Variants in ASB2 observed in about 807,000 individuals in gnomAD.
ASB2 encodes the protein ankyrin repeat and SOCS box containing 2.
ASB2 carries 58 observed loss-of-function variants against 62.4 expected under a neutral mutation model. That is an observed-to-expected ratio of 0.93 (90% CI 0.75 to 1.16). The LOEUF (loss-of-function observed/expected upper bound fraction) is 1.16. Ranked by LOEUF, ASB2 falls within the 50% of genes most tolerant of loss-of-function variation. ASB2 has a pLI of 0.00. For synonymous variants in ASB2, 386 were observed against 385.3 expected (o/e 1.00, Z -0.02); for missense variants, 928 against 887.9 (o/e 1.05, Z -0.57).
intron 1 of ASB2, among the ~76,000 whole-genome samples, chr14:93,965,924 C>T (rs544809228): frequency 3.9e-5 from 6 of 152,368 alleles, no homozygotes; most frequent in African/African-American, 1.4e-4. Context: ...AGCCTAGGCC[C>T]CAGAGAGAAC....
At position 93,953,406 on chromosome 14, in the gene ASB2, C is replaced by T; in HGVS notation, c.580G>A (p.Ala194Thr). The T allele has an allele frequency of 6.2e-7, 1 of 1,605,932 alleles. No individual in the cohort carries two copies. Among genetic ancestry groups the T allele is most frequent in the Non-Finnish European group, 8.5e-7 (1 of 1,173,430 alleles). The change falls in exon 5 of 10, where the codon GCA becomes ACA. Residue 194 changes from alanine (A) to threonine (T), a missense_variant. Physicochemically the swap from Ala to Thr is moderately conservative, Grantham distance 58. Transcript: ENST00000555019. ...HLDCLLSLLQ[A>T]GAEPDISNKS... ...TTGGAGATGTCCGGCTCTGCCCCTG[C>T]TTGGAGCAGTGACAGGAGACAGTCC... is the stretch of plus-strand genomic sequence containing the variant.
Position 93,937,749 on chromosome 14 carries a change from T to C in ASB2, c.1720A>G (p.Lys574Glu), listed in dbSNP as rs1224404987. 6.2e-7 allele frequency: 1 copy of C among 1,613,166 alleles called. No individual in the cohort carries two copies. The highest frequency in any genetic ancestry group is 1.7e-5 in the Admixed American group (1 of 60,016). The part of the protein sequence containing the change: ...VGNVQLCSRL[K>E]EHIDSFEDWA... ...TCCTCAAAGCTGTCGATGTGTTCCT[T>C]CAGCCGCGAGCAGAGCTGCACGTTG... The change falls in exon 9 of 10, where the codon AAG becomes GAG. Residue 574 changes from lysine to glutamate, a missense_variant. By Grantham distance (56) the Lys-to-Glu change is moderately conservative. Transcript: ENST00000555019.
At chr14:93,939,020 AC>A in intron 8 of ASB2, 87 bp downstream of exon 8, 1 of 1,227,910 alleles carries the variant, frequency 8.1e-7, no homozygotes, top group Non-Finnish European at 1.1e-6. Context: ...AGCGCGAACC[AC>A]CCGGCCCCGC....
rs73337612 is a variant in ASB2, at chr14:93,941,533, C to T, written c.1053-1861G>A. On this transcript the variant is annotated intron_variant, in intron 7 of 9. Transcript: ENST00000555019. ...AAAGGAAATTCACACACCCGGGGGG[C>T]TAATTGCCTCCTAATTTCTATTTGT... is the stretch of plus-strand genomic sequence containing the variant. 8.5e-3 allele frequency: 3,452 copies of T among 404,542 alleles called. 121 individuals are homozygous for T. The highest frequency in any genetic ancestry group is 0.066 in the African/African-American group (3,165 of 48,304). The allele number at this position is 404,542 out of a possible 1,614,324, so 25.1% of individuals were successfully genotyped here.
intron 3 of ASB2, among the ~76,000 whole-genome samples, chr14:93,955,823 C>G (rs1240013846): frequency 6.6e-6 from 1 of 152,082 alleles, no homozygotes; most frequent in Non-Finnish European, 1.5e-5. Context: ...CTGGACGGGA[C>G]CCTAGAGGTC....
intron 1 of ASB2, among the ~76,000 whole-genome samples, chr14:93,970,747 G>T (rs1377442508): frequency 2.0e-5 from 3 of 152,146 alleles, no homozygotes; most frequent in Non-Finnish European, 2.9e-5. Context: ...GTGCCCCACT[G>T]CCTATACTCA....
chr14:93,945,277 CTG>C (rs1888680623), intron 7 of ASB2, among the ~76,000 whole-genome samples: 2 of 152,192 alleles, frequency 1.3e-5, no homozygotes, highest in Admixed American at 6.5e-5. Context: ...TCAAGGTAAA[CTG>C]TGTTTGCCCA....
Position 93,939,830 on chromosome 14 carries a change from A to G in ASB2, c.1053-158T>C, listed in dbSNP as rs1888449999. On this transcript the variant is annotated intron_variant, in intron 7 of 9. Coordinates refer to ENST00000555019, the MANE Select transcript of ASB2 (RefSeq NM_001202429.2). ...CACCGGCAGGGGGCGCCGCGGGTCA[A>G]CCATTCTCACCCCACTGGGCAGGGT... The G allele has an allele frequency of 7.5e-6, 4 of 533,162 alleles. 1 individual carries two copies. In the East Asian group the frequency reaches 1.4e-4, roughly 19 times the overall value. 33.0% of individuals were successfully genotyped at this position (533,162 alleles called of 1,614,324 possible). A position where few individuals can be genotyped will look rare whatever the true frequency, so the allele number is the denominator to read the frequency against.
At position 93,960,882 on chromosome 14, in the gene ASB2, G is replaced by A. The variant is rs75597485; in HGVS notation, c.206+3452C>T. On this transcript the variant is annotated intron_variant, in intron 2 of 9. Coordinates refer to ENST00000555019, the MANE Select transcript of ASB2 (RefSeq NM_001202429.2). ...GCTAGAGCTTTTTATTGGTTTCAAA[G>A]GTATTTATTTGTTTAAAAACATTTA... Among the ~76,000 whole-genome samples the A allele has an allele frequency of 5.4e-4, 82 of 151,902 alleles. No individual in the cohort carries two copies. The East Asian group carries it at 0.015, about 28-fold the overall frequency.
chr14:93,961,363 C>T (rs1889403606), intron 2 of ASB2, among the ~76,000 whole-genome samples: 1 of 152,218 alleles, frequency 6.6e-6, no homozygotes, highest in Non-Finnish European at 1.5e-5. Context: ...CACTCTGCTG[C>T]CTTTCCATCT....
intron 1 of ASB2, among the ~76,000 whole-genome samples, chr14:93,973,493 G>T (rs932064749): frequency 6.6e-6 from 1 of 152,156 alleles, no homozygotes; most frequent in Admixed American, 6.5e-5. Context: ...CTGTTGCAAT[G>T]ATGAGCATCC....
At chr14:93,962,727 T>C (rs1321725483) in intron 2 of ASB2, among the ~76,000 whole-genome samples, 1 of 152,186 alleles carries the variant, frequency 6.6e-6, no homozygotes, top group Non-Finnish European at 1.5e-5. Context: ...GGGGCTCCTA[T>C]GCTGGGGAGA....
At chr14:93,955,247 G>A (rs1239649886) in intron 3 of ASB2, 12 of 443,740 alleles carry the variant, frequency 2.7e-5, no homozygotes, top group Middle Eastern at 3.5e-4. Context: ...GGACACCCAC[G>A]CCATGTTGGG....
chr14:93,947,368 A>G lies in ASB2; in HGVS notation c.1033T>C (p.Ser345Pro), dbSNP rs771810059. ...KDGLLPLHIA[S>P]KKGNYRIVQM... ...GCTGACCTGTAGTTGCCCTTCTTGGAGGCGATGTGCAGCGGGAGCAAGCCG... is the reference window on the plus strand; with the variant it reads ...GCTGACCTGTAGTTGCCCTTCTTGGGGGCGATGTGCAGCGGGAGCAAGCCG... Residue 345 changes from serine (S) to proline (P), a missense_variant, in exon 7 of 10, where the codon TCC becomes CCC. Physicochemically the swap from Ser to Pro is moderately conservative, Grantham distance 74. Coordinates refer to ENST00000555019, the MANE Select transcript of ASB2 (RefSeq NM_001202429.2). 17 of 1,613,938 alleles carry G rather than the reference A, an allele frequency of 1.1e-5. No homozygotes were observed. The East Asian group carries it at 3.6e-4, about 34-fold the overall frequency.
intron 1 of ASB2, among the ~76,000 whole-genome samples, chr14:93,968,097 C>T (rs539626391): frequency 2.0e-5 from 3 of 152,318 alleles, no homozygotes; most frequent in African/African-American, 7.2e-5. Flanking sequence ...GACTCATAGA[C>T]AGCACATGGC....
At chr14:93,962,325 G>A (rs574125408) in intron 2 of ASB2, among the ~76,000 whole-genome samples, 4 of 151,938 alleles carry the variant, frequency 2.6e-5, no homozygotes, top group East Asian at 3.9e-4. Flanking sequence ...CGTTTTAGCC[G>A]GGATGGTCTC....
chr14:93,951,480 C>T (rs79038484), intron 5 of ASB2, among the ~76,000 whole-genome samples: 1 of 152,224 alleles, frequency 6.6e-6, no homozygotes, highest in South Asian at 2.1e-4. Flanking sequence ...GTGCCAGGCT[C>T]TCTGTTCTAA....
intron 9 of ASB2, among the ~76,000 whole-genome samples, chr14:93,935,892 T>C (rs1244891200): frequency 1.3e-5 from 2 of 152,238 alleles, no homozygotes; most frequent in African/African-American, 4.8e-5. Context: ...TAGTTCCTAT[T>C]ACTATCTCCT....
chr14:93,958,164 C>T (rs1396157778), intron 2 of ASB2, among the ~76,000 whole-genome samples: 1 of 152,230 alleles, frequency 6.6e-6, no homozygotes, highest in Non-Finnish European at 1.5e-5. Context: ...TCGCCGCTGT[C>T]ACGCCCTCCC....
Sources: gnomAD v4.1 joint callset for allele counts (sites outside exome capture counted in the v4.1 genomes callset) on GRCh38, gnomAD v4.1.1 for gene constraint, MANE v1.5 for transcripts, NCBI Gene and HGNC (gene_info 2026-07-23, HGNC 2026-07-21) for gene names.